Variants in RAB39A observed in about 807,000 individuals in gnomAD.
RAB39A encodes the protein RAB39A, member RAS oncogene family, also known as ras-related protein Rab-39A.
In RAB39A, 17 loss-of-function variants were observed where a neutral mutation model predicts 20.9. That is an observed-to-expected ratio of 0.81 (90% CI 0.56 to 1.22). RAB39A has a LOEUF of 1.22. Among genes scored for constraint, RAB39A ranks in the 50% most tolerant of loss-of-function variants. The pLI, the probability that RAB39A is intolerant of heterozygous loss-of-function variation, is 0.00. For missense variants in RAB39A, 234 were observed against 270.5 expected, an observed-to-expected ratio of 0.87 and a Z score of 0.95; for synonymous variants, 99 against 103.4, an observed-to-expected ratio of 0.96 and a Z score of 0.26.
intron 1 of RAB39A, among the ~76,000 whole-genome samples, chr11:107,950,190 AAAG>A (rs1272592387): frequency 1.3e-5 from 2 of 151,018 alleles, no homozygotes; most frequent in Non-Finnish European, 2.9e-5. Flanking sequence ...AAAAAAAAAA[AAAG>A]AAAGAAAATG....
intron 1 of RAB39A, among the ~76,000 whole-genome samples, chr11:107,958,249 G>A (rs994316331): frequency 2.6e-5 from 4 of 152,118 alleles, no homozygotes; most frequent in Non-Finnish European, 5.9e-5. Context: ...CATACTACAA[G>A]AGATTGTTGC....
intron 1 of RAB39A, among the ~76,000 whole-genome samples, chr11:107,947,807 CAAAAAAAAAAAA>C (rs35694249): frequency 2.1e-4 from 17 of 80,222 alleles, no homozygotes; most frequent in South Asian, 6.0e-4. Flanking sequence ...CATCAACAGG[CAAAAAAAAAAAA>C]AAAAAAAAAA....
chr11:107,935,937 G>C (rs1389801208), intron 1 of RAB39A, among the ~76,000 whole-genome samples: 1 of 96,124 alleles, frequency 1.0e-5, no homozygotes, highest in Non-Finnish European at 2.0e-5. Flanking sequence ...AGACAGTTTT[G>C]CTCTGTCACC....
At chr11:107,946,067 T>A (rs1861303886) in intron 1 of RAB39A, among the ~76,000 whole-genome samples, 1 of 151,796 alleles carries the variant, frequency 6.6e-6, no homozygotes, top group African/African-American at 2.4e-5. Flanking sequence ...AATTAAATGG[T>A]CCAGCATGAT....
At chr11:107,955,249 A>G (rs1258216627) in intron 1 of RAB39A, among the ~76,000 whole-genome samples, 5 of 151,974 alleles carry the variant, frequency 3.3e-5, no homozygotes, top group Non-Finnish European at 5.9e-5. Flanking sequence ...CACCCACCTC[A>G]GCCTCCCAAA....
Position 107,934,150 on chromosome 11 carries a change from G to A in RAB39A, c.227+5355G>A, listed in dbSNP as rs185282994. Reference sequence around the variant, plus strand: ...TTTTTAAAATATGAAAATCTAGGCTGGATGCGGTGAGTCACGTCTGTAATC... The same window carrying A: ...TTTTTAAAATATGAAAATCTAGGCTAGATGCGGTGAGTCACGTCTGTAATC... On this transcript the variant is annotated intron_variant, in intron 1 of 1. Coordinates refer to ENST00000320578, the MANE Select transcript of RAB39A (RefSeq NM_017516.3). Among the ~76,000 whole-genome samples, 696 of 152,256 alleles carry A rather than the reference G, an allele frequency of 4.6e-3. 15 individuals are homozygous for A. The South Asian group carries it at 0.051, about 11-fold the overall frequency.
intron 1 of RAB39A, among the ~76,000 whole-genome samples, chr11:107,936,130 C>G (rs1352491964): frequency 1.3e-5 from 2 of 152,042 alleles, no homozygotes; most frequent in Admixed American, 1.3e-4. Context: ...GAATTCCTGA[C>G]CTCAAGTGAT....
intron 1 of RAB39A, among the ~76,000 whole-genome samples, chr11:107,958,415 A>AAGATAGCT (rs1363822638): frequency 6.6e-6 from 1 of 152,218 alleles, no homozygotes; most frequent in Non-Finnish European, 1.5e-5. Flanking sequence ...GGTCAAGAGA[A>AAGATAGCT]AGATAGCTGC....
intron 1 of RAB39A, among the ~76,000 whole-genome samples, chr11:107,954,478 C>T (rs1262601690): frequency 6.6e-6 from 1 of 152,166 alleles, no homozygotes; most frequent in Non-Finnish European, 1.5e-5. Context: ...AAACCCTTCG[C>T]GTCTGCTCAT....
intron 1 of RAB39A, among the ~76,000 whole-genome samples, chr11:107,944,632 G>A (rs1452704504): frequency 1.3e-5 from 2 of 151,954 alleles, no homozygotes; most frequent in Non-Finnish European, 2.9e-5. Flanking sequence ...TGATCTGCCC[G>A]CCTCAGCCTC....
At chr11:107,949,927 C>A (rs1861358029) in intron 1 of RAB39A, among the ~76,000 whole-genome samples, 1 of 151,978 alleles carries the variant, frequency 6.6e-6, no homozygotes, top group African/African-American at 2.4e-5. Flanking sequence ...AATCCCAGCA[C>A]TTTGGGAGGC....
chr11:107,933,189 T>C (rs1861154768), intron 1 of RAB39A, among the ~76,000 whole-genome samples: 1 of 151,904 alleles, frequency 6.6e-6, no homozygotes, highest in African/African-American at 2.4e-5. Context: ...CCTCTAGGCT[T>C]TGAGCCAGGT....
At chr11:107,939,942 C>G (rs1465787651) in intron 1 of RAB39A, among the ~76,000 whole-genome samples, 1 of 152,150 alleles carries the variant, frequency 6.6e-6, no homozygotes, top group Admixed American at 6.6e-5. Context: ...GTGCTTTACT[C>G]AGTCCGAGAG....
intron 1 of RAB39A, among the ~76,000 whole-genome samples, chr11:107,933,313 ATGTGTGTGTGTGTG>A (rs60670768): frequency 0.05 from 6,202 of 125,278 alleles, 178 homozygotes; most frequent in Non-Finnish European, 0.057. Flanking sequence ...ATATATATAT[ATGTGTGTGTGTGTG>A]TGTGTGTGTG....
intron 1 of RAB39A, among the ~76,000 whole-genome samples, chr11:107,933,377 CTTTT>C (rs71047649): frequency 1.5e-4 from 11 of 73,072 alleles, no homozygotes; most frequent in Admixed American, 6.9e-4. Flanking sequence ...TTTATTCTTT[CTTTT>C]TTTTTTTTTT....
intron 1 of RAB39A, among the ~76,000 whole-genome samples, chr11:107,946,460 ATTTTTTTTTTT>A (rs869125579): frequency 7.0e-4 from 11 of 15,760 alleles, no homozygotes; most frequent in South Asian, 7.4e-3. Context: ...ATATATATAT[ATTTTTTTTTTT>A]TTTTTTTTTT....
chr11:107,953,213 T>C (rs557622599), intron 1 of RAB39A, among the ~76,000 whole-genome samples: 18 of 152,326 alleles, frequency 1.2e-4, no homozygotes, highest in Non-Finnish European at 2.2e-4. Context: ...AACTGAACTT[T>C]AGTCTTGTAA....
At chr11:107,929,145 C>G (rs187045121) in intron 1 of RAB39A, among the ~76,000 whole-genome samples, 3 of 152,304 alleles carry the variant, frequency 2.0e-5, no homozygotes, top group Admixed American at 2.0e-4. Flanking sequence ...TTCCCAAACT[C>G]GGCTTCCCTG....
In RAB39A at chr11:107,928,782, C is replaced by T; in HGVS notation, c.214C>T (p.Gln72Ter). 6.3e-7 allele frequency: 1 copy of T among 1,582,982 alleles called. No homozygotes were observed. The highest frequency in any genetic ancestry group is 1.1e-5 in the South Asian group (1 of 87,420). ...IKLQLWDTAG[Q>*]ERFRSITRSY... ...GCTACAGCTCTGGGACACGGCGGGA[C>T]AGGAGCGGTTCAGGTAGGGACCCCG... Residue 72 changes from glutamine to a stop codon, truncating the protein, a stop_gained, in exon 1 of 2, where the codon CAG (glutamine) becomes TAG (stop). Transcript: ENST00000320578. LOFTEE classifies it high-confidence loss of function. This position sits in a 1 kb window ranked among gnomAD's most constrained non-coding sequence, Gnocchi z 4.9.
Sources: allele counts gnomAD v4.1 joint callset (sites outside exome capture counted in the v4.1 genomes callset), GRCh38; gene constraint gnomAD v4.1.1; non-coding constraint Gnocchi (gnomAD v3.1); transcripts MANE v1.5; gene names NCBI Gene and HGNC (gene_info 2026-07-23, HGNC 2026-07-21).